Variants in FGFR1 observed in about 807,000 individuals in gnomAD.
The protein encoded by FGFR1 is fibroblast growth factor receptor 1.
Under a neutral mutation model 93.7 loss-of-function variants are expected in FGFR1, and 18 were observed. That is an observed-to-expected ratio of 0.19 (90% CI 0.13 to 0.28). The LOEUF (loss-of-function observed/expected upper bound fraction) is 0.28, where lower values mean the gene tolerates loss of function less well. Among genes scored for constraint, FGFR1 ranks in the 10% least tolerant of loss-of-function variants. The pLI, the probability that FGFR1 is intolerant of heterozygous loss-of-function variation, is 1.00. For missense variants in FGFR1, 731 were observed against 1,080.4 expected, an observed-to-expected ratio of 0.68 and a Z score of 4.53; for synonymous variants, 448 against 429.3, an observed-to-expected ratio of 1.04 and a Z score of -0.54.
Position 38,413,788 on chromosome 8 carries a change from G to A in FGFR1, c.2309C>T (p.Ser770Phe), listed in dbSNP as rs751937328. 2 of 1,614,134 alleles carry A rather than the reference G, an allele frequency of 1.2e-6. No homozygotes were observed. Among genetic ancestry groups the A allele is most frequent in the South Asian group, 2.2e-5 (2 of 91,084 alleles). Residue 770 changes from serine to phenylalanine, a missense_variant, in exon 18 of 18, where the codon TCC becomes TTC. By Grantham distance (155) the Ser-to-Phe change is radical. Transcript: ENST00000447712. This position sits in a 1 kb window ranked among gnomAD's most constrained non-coding sequence, Gnocchi z 4.2. ...GGGGGAGTACTGGTCCAGGGGCATGGACAGGTCCAGGTACTCCTGTGATGG... is the reference window on the plus strand; with the variant it reads ...GGGGGAGTACTGGTCCAGGGGCATGAACAGGTCCAGGTACTCCTGTGATGG... ...LTSNQEYLDL[S>F]MPLDQYSPSF...
chr8:38,463,333 A>T (rs1430261799), intron 1 of FGFR1: 1 of 185,484 alleles, frequency 5.4e-6, no homozygotes, highest in Middle Eastern at 1.9e-3. Flanking sequence ...ACCCCACCTT[A>T]AGAAGCTGTT....
chr8:38,417,579 T>C (rs1458384173), intron 11 of FGFR1, 163 bp from the exon 12 acceptor site: 1 of 757,058 alleles, frequency 1.3e-6, no homozygotes, highest in Non-Finnish European at 2.3e-6. Flanking sequence ...TGGGAGCCGT[T>C]GTTGCAATAG....
chr8:38,447,793 T>C (rs1205680981), intron 2 of FGFR1, among the ~76,000 whole-genome samples: 1 of 152,232 alleles, frequency 6.6e-6, no homozygotes, highest in Non-Finnish European at 1.5e-5. Context: ...TATTTATTAT[T>C]ATATTTTAAA....
rs1586182607 is a variant in FGFR1 at position 38,418,463 on chromosome 8, G to C, written c.1285-90C>G. 3 of 1,430,112 alleles carry C rather than the reference G, an allele frequency of 2.1e-6. No individual in the cohort carries two copies. In the East Asian group the frequency reaches 7.4e-5, roughly 35 times the overall value. 88.6% of individuals were successfully genotyped at this position (1,430,112 alleles called of 1,614,324 possible). A position where few individuals can be genotyped will look rare whatever the true frequency, so the allele number is the denominator to read the frequency against. ...TAGTCAGGGCTTCCCAACAATGGCA[G>C]AGGCACATGTCTGTGTATCTGATGT... On this transcript the variant is annotated intron_variant, in intron 9 of 17. Coordinates refer to ENST00000447712, the MANE Select transcript of FGFR1 (RefSeq NM_023110.3).
rs1450952029 is a variant in FGFR1, at chr8:38,413,917, C to G, written c.2292+1G>C. The G allele has an allele frequency of 1.2e-6, 2 of 1,613,826 alleles. No individual in the cohort carries two copies. The highest frequency in any genetic ancestry group is 1.7e-6 in the Non-Finnish European group (2 of 1,179,928). On this transcript the variant is annotated splice_donor_variant, in intron 17 of 17. Coordinates refer to ENST00000447712, the MANE Select transcript of FGFR1 (RefSeq NM_023110.3). LOFTEE classifies it high-confidence loss of function. The surrounding 1 kb of genome is among the most constrained non-coding windows in gnomAD (Gnocchi z 4.2). ...TCTGGCTCTGGCACGGGCAGCCTTA[C>G]CTGGTTGGAGGTCAAGGCCACGATG...
At chr8:38,422,708 C>A (rs1586254404) in intron 7 of FGFR1, 2 of 355,572 alleles carry the variant, frequency 5.6e-6, no homozygotes, top group East Asian at 9.6e-5. Context: ...GGCCTATGGC[C>A]CCTTCTCTTA....
chr8:38,449,554 G>T (rs1019714342), intron 2 of FGFR1, among the ~76,000 whole-genome samples: 3 of 152,154 alleles, frequency 2.0e-5, no homozygotes, highest in Non-Finnish European at 4.4e-5. Flanking sequence ...GCCCAACCTC[G>T]TAACCACTAA....
Position 38,412,778 on chromosome 8 carries a change from A to AAATTAT in FGFR1, c.*849_*850insATAATT. 1 of 233,702 alleles carries AAATTAT rather than the reference A, an allele frequency of 4.3e-6. No individual in the cohort carries two copies. Among genetic ancestry groups the AAATTAT allele is most frequent in the African/African-American group, 2.2e-5 (1 of 45,476 alleles). The allele number at this position is 233,702 out of a possible 1,614,324, so 14.5% of individuals were successfully genotyped here. A position where few individuals can be genotyped will look rare whatever the true frequency, so the allele number is the denominator to read the frequency against. On this transcript the variant is annotated 3_prime_UTR_variant, in exon 18 of 18. Transcript: ENST00000447712. Reference sequence around the variant, plus strand: ...AGGGACCTAAACTGAAAATAGGTTTAGAACATAATTTAAAAAAATAAAACA... The same window carrying AAATTAT: ...AGGGACCTAAACTGAAAATAGGTTTAAATTATGAACATAATTTAAAAAAATAAAACA...
In FGFR1 at chr8:38,413,115, A is replaced by G. The variant is rs997650938; in HGVS notation, c.*513T>C. 4.2e-6 allele frequency: 1 copy of G among 239,290 alleles called. No individual in the cohort carries two copies. The highest frequency in any genetic ancestry group is 2.2e-5 in the African/African-American group (1 of 45,392). 14.8% of individuals were successfully genotyped at this position (239,290 alleles called of 1,614,324 possible). A position where few individuals can be genotyped will look rare whatever the true frequency, so the allele number is the denominator to read the frequency against. ...CATTTGGTCAGCAAAGCAAACTAGT[A>G]TCGGAATTAATAAGCCACTGGCACC... On this transcript the variant is annotated 3_prime_UTR_variant, in exon 18 of 18. Transcript: ENST00000447712. The surrounding 1 kb of genome is among the most constrained non-coding windows in gnomAD (Gnocchi z 4.2).
intron 1 of FGFR1, among the ~76,000 whole-genome samples, chr8:38,459,898 T>C (rs1833942211): frequency 6.6e-6 from 1 of 152,256 alleles, no homozygotes; most frequent in Middle Eastern, 3.4e-3. Flanking sequence ...AGATAGACCC[T>C]TGTGCCAGGG....
At chr8:38,454,371 C>T (rs1003937489) in intron 2 of FGFR1, among the ~76,000 whole-genome samples, 21 of 152,194 alleles carry the variant, frequency 1.4e-4, no homozygotes, top group African/African-American at 4.8e-4. Context: ...CAACTAGCTC[C>T]TTGCTACTCT....
At position 38,411,182 on chromosome 8, in the gene FGFR1, T is replaced by C. The variant is rs779071446; in HGVS notation, c.*2446A>G. On this transcript the variant is annotated 3_prime_UTR_variant, in exon 18 of 18. Transcript: ENST00000447712. ...TTTTATTTGACAGCTAGCGCAGTCTTTGGGGAAATTTGTGGGTGATTTGAG... is the reference window on the plus strand; with the variant it reads ...TTTTATTTGACAGCTAGCGCAGTCTCTGGGGAAATTTGTGGGTGATTTGAG... 4.5e-5 allele frequency: 9 copies of C among 199,936 alleles called. No homozygotes were observed. The highest frequency in any genetic ancestry group is 7.2e-5 in the Non-Finnish European group (7 of 96,864). The allele number at this position is 199,936 out of a possible 1,614,324, so 12.4% of individuals were successfully genotyped here.
intron 16 of FGFR1, 33 bp from the exon 17 acceptor site, chr8:38,414,056 C>T (rs749003702): frequency 1.2e-6 from 2 of 1,613,782 alleles, no homozygotes; most frequent in Non-Finnish European, 8.5e-7. Flanking sequence ...GGGACGTCTC[C>T]TGGAGATGGA....
At chr8:38,463,327 C>T (rs1348798792) in intron 1 of FGFR1, 1 of 184,586 alleles carries the variant, frequency 5.4e-6, no homozygotes, top group Non-Finnish European at 1.1e-5. Flanking sequence ...CTCTGAACCC[C>T]ACCTTAAGAA....
chr8:38,431,310 G>A (rs1412021026), intron 2 of FGFR1, among the ~76,000 whole-genome samples: 1 of 152,084 alleles, frequency 6.6e-6, no homozygotes, highest in East Asian at 1.9e-4. Flanking sequence ...TCTGGGTTAG[G>A]TGCCCTCCCC....
In FGFR1 at chr8:38,412,380, T is replaced by C; in HGVS notation, c.*1248A>G. On this transcript the variant is annotated 3_prime_UTR_variant, in exon 18 of 18. Transcript: ENST00000447712. ...TCTTAATCACTGTAGCTCTACCCCG[T>C]GGCTATTCCTAGGTAGGTGCCCCCT... 4.3e-6 allele frequency: 1 copy of C among 232,492 alleles called. No homozygotes were observed. The highest frequency in any genetic ancestry group is 8.5e-6 in the Non-Finnish European group (1 of 117,564). The allele number at this position is 232,492 out of a possible 1,614,324, so 14.4% of individuals were successfully genotyped here.
Position 38,429,332 on chromosome 8 carries a change from G to A in FGFR1, c.358+350C>T, listed in dbSNP as rs1215064167. 3 of 592,054 alleles carry A rather than the reference G, an allele frequency of 5.1e-6. No individual in the cohort carries two copies. Among genetic ancestry groups the A allele is most frequent in the Admixed American group, 1.9e-5 (1 of 53,260 alleles). 36.7% of individuals were successfully genotyped at this position (592,054 alleles called of 1,614,324 possible). On this transcript the variant is annotated intron_variant, in intron 3 of 17. Coordinates refer to ENST00000447712, the MANE Select transcript of FGFR1 (RefSeq NM_023110.3). This position sits in a 1 kb window ranked among gnomAD's most constrained non-coding sequence, Gnocchi z 4.4. ...GCCGAGTACCAAGTCCAAATGGCAAGGGAGTGATGGAGTGGAAGCTGGCCG... is the reference window on the plus strand; with the variant it reads ...GCCGAGTACCAAGTCCAAATGGCAAAGGAGTGATGGAGTGGAAGCTGGCCG...
At chr8:38,440,403 A>G (rs1826994809) in intron 2 of FGFR1, 5 of 1,550,970 alleles carry the variant, frequency 3.2e-6, no homozygotes, top group Non-Finnish European at 4.4e-6. Flanking sequence ...GAGAGCCCCA[A>G]AAATGTGTTT....
In FGFR1 at chr8:38,429,802, G is replaced by A. The variant is rs751494167; in HGVS notation, c.238C>T (p.Arg80Cys). Residue 80 changes from arginine (R) to cysteine (C), a missense_variant, in exon 3 of 18, where the codon CGC becomes TGC. Transcript: ENST00000447712. This position sits in a 1 kb window ranked among gnomAD's most constrained non-coding sequence, Gnocchi z 4.4. ...GVQLAESNRTRITGEEVEVQD... is the reference protein window; with the variant it reads ...GVQLAESNRTCITGEEVEVQD... ...ACCTCCACCTCCTCCCCTGTGATGC[G>A]GGTGCGGTTGCTTTCCGCCAGCTGC... is the stretch of plus-strand genomic sequence containing the variant. 7.4e-6 allele frequency: 12 copies of A among 1,613,194 alleles called. No homozygotes were observed. Among genetic ancestry groups the A allele is most frequent in the African/African-American group, 1.3e-5 (1 of 74,910 alleles).
Sources: gnomAD v4.1 joint callset for allele counts (sites outside exome capture counted in the v4.1 genomes callset) on GRCh38, gnomAD v4.1.1 for gene constraint, Gnocchi (gnomAD v3.1) non-coding constraint, MANE v1.5 for transcripts, NCBI Gene and HGNC (gene_info 2026-07-23, HGNC 2026-07-21) for gene names.